The following NT5DC1 variants were observed in gnomAD, a reference collection of about 807,000 sequenced individuals.
NT5DC1 encodes the protein 5'-nucleotidase domain containing 1.
A neutral mutation model predicts 59.4 loss-of-function variants in NT5DC1; 42 were observed. The observed-to-expected ratio is 0.71, with a 90% confidence interval of 0.55 to 0.92. The LOEUF is 0.92. NT5DC1 is among the 40% of genes least tolerant of loss of function. The pLI, the probability that NT5DC1 is intolerant of heterozygous loss-of-function variation, is 0.00. For missense variants in NT5DC1, 501 were observed against 537.1 expected (o/e 0.93, Z 0.66); for synonymous variants, 172 against 188.1 (o/e 0.91, Z 0.70).
At chr6:116,159,052 A>G (rs1780271484) in intron 6 of NT5DC1, among the ~76,000 whole-genome samples, 1 of 152,228 alleles carries the variant, frequency 6.6e-6, no homozygotes, top group Admixed American at 6.5e-5. Flanking sequence ...TCTAAATGAT[A>G]TGTACATTTT....
intron 6 of NT5DC1, among the ~76,000 whole-genome samples, chr6:116,163,141 AATATAT>A (rs1554197063): frequency 2.3e-5 from 2 of 88,408 alleles, no homozygotes; most frequent in African/African-American, 1.2e-4. Flanking sequence ...AAAAAAAAAA[AATATAT>A]ATATATATAT....
At chr6:116,191,808 A>T (rs960563525) in intron 6 of NT5DC1, among the ~76,000 whole-genome samples, 5 of 152,014 alleles carry the variant, frequency 3.3e-5, no homozygotes, top group African/African-American at 1.2e-4. Context: ...CAGTATTTAT[A>T]TATTTGTATT....
rs73772259 is a variant in NT5DC1, at chr6:116,122,175, A to G, written c.529+4230A>G. ...ATGGTTTCACAAAACCATGGCTACC[A>G]TAATACTTTTATCCCATGACAGTGA... On this transcript the variant is annotated intron_variant, in intron 6 of 11. Transcript: ENST00000319550. Among the ~76,000 whole-genome samples the G allele has an allele frequency of 4.3e-3, 659 of 152,348 alleles. 6 individuals carry two copies. Among genetic ancestry groups the G allele is most frequent in the African/African-American group, 0.015 (640 of 41,578 alleles).
intron 6 of NT5DC1, among the ~76,000 whole-genome samples, chr6:116,127,414 A>G (rs955749642): frequency 2.0e-5 from 3 of 152,286 alleles, no homozygotes; most frequent in African/African-American, 7.2e-5. Context: ...ATTGTTGTAT[A>G]TATCTCTGTA....
chr6:116,182,020 G>A (rs1287986165), intron 6 of NT5DC1, among the ~76,000 whole-genome samples: 2 of 151,812 alleles, frequency 1.3e-5, no homozygotes, highest in African/African-American at 2.4e-5. Flanking sequence ...TCCCTCACCC[G>A]CTCCCACCCT....
intron 1 of NT5DC1, 122 bp downstream of exon 1, chr6:116,101,145 G>T (rs1364492927): frequency 1.0e-5 from 7 of 668,582 alleles, no homozygotes; most frequent in Admixed American, 3.3e-5. Flanking sequence ...GAGTCTTGCC[G>T]CAGAGCGCGG....
chr6:116,244,235 G>C lies in NT5DC1; in HGVS notation c.*211G>C. On this transcript the variant is annotated 3_prime_UTR_variant, in exon 12 of 12. Transcript: ENST00000319550. ...GTATCCTAAAACTTAGAACCTTATT[G>C]ATATTTTCTATACAGTAGTTTTGTG... 2 of 370,844 alleles carry C rather than the reference G, an allele frequency of 5.4e-6. No homozygotes were observed. The highest frequency in any genetic ancestry group is 9.7e-6 in the Non-Finnish European group (2 of 206,030). 23.0% of individuals were successfully genotyped at this position (370,844 alleles called of 1,614,324 possible).
intron 6 of NT5DC1, among the ~76,000 whole-genome samples, chr6:116,122,972 T>C (rs1312307146): frequency 6.6e-6 from 1 of 152,212 alleles, no homozygotes; most frequent in Non-Finnish European, 1.5e-5. Context: ...AATATTTCAT[T>C]GATTGTAGTG....
chr6:116,119,976 C>G, intron 6 of NT5DC1: 1 of 1,103,032 alleles, frequency 9.1e-7, no homozygotes, highest in Non-Finnish European at 1.4e-6. Context: ...ATAAAAATTA[C>G]ATTCTTTTCA....
intron 6 of NT5DC1, among the ~76,000 whole-genome samples, chr6:116,163,420 A>G (rs986278249): frequency 2.0e-5 from 3 of 151,904 alleles, no homozygotes; most frequent in African/African-American, 7.2e-5. Flanking sequence ...AGAGATGTTC[A>G]TAGTAGTTTC....
chr6:116,172,362 C>T (rs1310083223), intron 6 of NT5DC1, among the ~76,000 whole-genome samples: 2 of 133,144 alleles, frequency 1.5e-5, no homozygotes, highest in African/African-American at 2.9e-5. Context: ...CGCTCTGTTG[C>T]CCAGGCTGGA....
chr6:116,151,618 G>T (rs908069787), intron 6 of NT5DC1, among the ~76,000 whole-genome samples: 1 of 152,124 alleles, frequency 6.6e-6, no homozygotes, highest in Non-Finnish European at 1.5e-5. Context: ...TGCAGTACAT[G>T]CAAATAATGG....
At chr6:116,164,760 A>C (rs1780423653) in intron 6 of NT5DC1, among the ~76,000 whole-genome samples, 1 of 151,994 alleles carries the variant, frequency 6.6e-6, no homozygotes, top group African/African-American at 2.4e-5. Context: ...AGTGGTGACA[A>C]ATTTCCTTAG....
At chr6:116,177,218 G>A (rs1470525943) in intron 6 of NT5DC1, among the ~76,000 whole-genome samples, 2 of 152,094 alleles carry the variant, frequency 1.3e-5, no homozygotes, top group African/African-American at 4.8e-5. Context: ...ATTAAGTTTA[G>A]TCTCATAGAT....
intron 5 of NT5DC1, 136 bp downstream of exon 5, chr6:116,115,906 A>G (rs1267561954): frequency 4.6e-6 from 2 of 435,288 alleles, no homozygotes; most frequent in East Asian, 7.1e-5. Context: ...GGAAAGAAAA[A>G]CATGGTGAAT....
chr6:116,166,255 C>T (rs903116875), intron 6 of NT5DC1, among the ~76,000 whole-genome samples: 3 of 152,190 alleles, frequency 2.0e-5, no homozygotes, highest in African/African-American at 7.2e-5. Flanking sequence ...CCTAAGCTTT[C>T]CATTCAGATC....
intron 1 of NT5DC1, among the ~76,000 whole-genome samples, chr6:116,103,986 T>A (rs1039405440): frequency 6.6e-6 from 1 of 152,214 alleles, no homozygotes; most frequent in African/African-American, 2.4e-5. Context: ...CAAACATAAT[T>A]TGTAGGCTGC....
At chr6:116,210,306 C>T (rs1781548929) in intron 6 of NT5DC1, among the ~76,000 whole-genome samples, 1 of 151,760 alleles carries the variant, frequency 6.6e-6, no homozygotes, top group African/African-American at 2.4e-5. Flanking sequence ...AAATTCTGAA[C>T]TCTCACTTAT....
Position 116,178,100 on chromosome 6 carries a change from C to CGT in NT5DC1, c.530-42953_530-42952insTG, listed in dbSNP as rs1446836635. Among the ~76,000 whole-genome samples, 938 of 102,930 alleles carry CGT rather than the reference C, an allele frequency of 9.1e-3. 8 individuals are homozygous for CGT. The highest frequency in any genetic ancestry group is 0.015 in the South Asian group (50 of 3,416). The allele number at this position is 102,930 out of a possible 152,430, so 67.5% of individuals were successfully genotyped here. A position where few individuals can be genotyped will look rare whatever the true frequency, so the allele number is the denominator to read the frequency against. Reference sequence around the variant, plus strand: ...GTGTGTGTGTGTGTGCGCGCGCGCGCGCGTGCGTGCGTGTGTGTGTGTGTG... The same window carrying CGT: ...GTGTGTGTGTGTGTGCGCGCGCGCGCGTGCGTGCGTGCGTGTGTGTGTGTGTG... On this transcript the variant is annotated intron_variant, in intron 6 of 11. Transcript: ENST00000319550.
Sources: gnomAD v4.1 joint callset for allele counts (sites outside exome capture counted in the v4.1 genomes callset) on GRCh38, gnomAD v4.1.1 for gene constraint, MANE v1.5 for transcripts, NCBI Gene and HGNC (gene_info 2026-07-23, HGNC 2026-07-21) for gene names.